The following CCDC110 variants were observed in gnomAD, a reference collection of about 807,000 sequenced individuals.
CCDC110 encodes the protein coiled-coil domain containing 110.
In CCDC110, 70 loss-of-function variants were observed where a neutral mutation model predicts 77.1. The ratio of observed to expected loss-of-function variants is 0.91; its 90% CI spans 0.75 to 1.11. The LOEUF is 1.11. Ranked by LOEUF, CCDC110 falls within the 50% of genes least tolerant of loss-of-function variation. The pLI is 0.00. For missense variants in CCDC110, 868 were observed against 942.9 expected, an observed-to-expected ratio of 0.92 and a Z score of 1.04; for synonymous variants, 295 against 312.5, an observed-to-expected ratio of 0.94 and a Z score of 0.59.
intron 4 of CCDC110, among the ~76,000 whole-genome samples, chr4:185,461,474 A>C (rs1337091419): frequency 6.6e-6 from 1 of 152,176 alleles, no homozygotes; most frequent in Non-Finnish European, 1.5e-5. Flanking sequence ...TGTCCCCCTT[A>C]GGAGGAGTTA....
chr4:185,458,923 C>T lies in CCDC110; in HGVS notation c.1664G>A (p.Ser555Asn). The T allele has an allele frequency of 6.2e-7, 1 of 1,608,692 alleles. No homozygotes were observed. The change falls in exon 6 of 7, where the codon AGT becomes AAT. Residue 555 changes from serine to asparagine, a missense_variant. Physicochemically the swap from Ser to Asn is conservative, Grantham distance 46. Transcript: ENST00000307588. ...TTCATTATTTACAATGGCCATATCA[C>T]TTTGAGTTTTGTGTTCCTTACTTTT... ...QLKSKEHKTQ[S>N]DMAIVNNENN...
At chr4:185,460,549 G>C (rs1205225367) in intron 5 of CCDC110, among the ~76,000 whole-genome samples, 1 of 152,226 alleles carries the variant, frequency 6.6e-6, no homozygotes, top group African/African-American at 2.4e-5. Flanking sequence ...AGGTGGGAAA[G>C]ATGGAACCGA....
At chr4:185,464,982 G>A (rs1219556536) in intron 2 of CCDC110, among the ~76,000 whole-genome samples, 2 of 152,104 alleles carry the variant, frequency 1.3e-5, no homozygotes, top group Non-Finnish European at 2.9e-5. Context: ...CTTACTCCCT[G>A]CCAAGAGAGA....
chr4:185,459,014 G>C lies in CCDC110; in HGVS notation c.1573C>G (p.Leu525Val), dbSNP rs750517634. ...GAAAGTTGTATATTTTTTTCCTCTAGAGTTTTATTTTGGCCTTGCAGAACA... is the reference window on the plus strand; with the variant it reads ...GAAAGTTGTATATTTTTTTCCTCTACAGTTTTATTTTGGCCTTGCAGAACA... Reference protein sequence around the residue: ...YNVLQGQNKTLEEKNIQLSLE... With the variant: ...YNVLQGQNKTVEEKNIQLSLE... The change falls in exon 6 of 7, where the codon CTA becomes GTA. Residue 525 changes from leucine (L) to valine (V), a missense_variant. Transcript: ENST00000307588. 5.6e-6 allele frequency: 9 copies of C among 1,594,858 alleles called. No homozygotes were observed. The Admixed American group carries it at 1.6e-4, about 28-fold the overall frequency.
At chr4:185,461,605 T>C (rs1277108161) in intron 4 of CCDC110, among the ~76,000 whole-genome samples, 1 of 152,238 alleles carries the variant, frequency 6.6e-6, no homozygotes, top group Non-Finnish European at 1.5e-5. Context: ...TCTAGACTTC[T>C]GTTTATACTT....
chr4:185,456,571 C>T (rs761987822), intron 6 of CCDC110, among the ~76,000 whole-genome samples: 11 of 152,122 alleles, frequency 7.2e-5, no homozygotes, highest in Middle Eastern at 3.2e-3. Flanking sequence ...GAGGGGACAT[C>T]GCTACAAGTC....
chr4:185,467,508 T>A (rs567681589), intron 2 of CCDC110, among the ~76,000 whole-genome samples: 3 of 152,276 alleles, frequency 2.0e-5, no homozygotes, highest in South Asian at 4.1e-4. Flanking sequence ...GGGAGGCACA[T>A]AAACAAAGCG....
chr4:185,450,741 C>T (rs1561152086), intron 6 of CCDC110, among the ~76,000 whole-genome samples: 1 of 18,532 alleles, frequency 5.4e-5, no homozygotes, highest in Non-Finnish European at 3.1e-4. Context: ...GAGACTCTGT[C>T]TAAAAAAAAA....
At chr4:185,457,824 A>T in intron 6 of CCDC110, 1 of 1,390,602 alleles carries the variant, frequency 7.2e-7, no homozygotes. Flanking sequence ...TCCTAGGGAA[A>T]AAAAAAAGAA....
chr4:185,446,278 A>G (rs1401788585), intron 6 of CCDC110, among the ~76,000 whole-genome samples: 1 of 152,216 alleles, frequency 6.6e-6, no homozygotes, highest in African/African-American at 2.4e-5. Context: ...ACTTTTACCT[A>G]ATCAAAATAT....
intron 6 of CCDC110, among the ~76,000 whole-genome samples, chr4:185,451,795 T>A (rs1258227207): frequency 3.9e-5 from 6 of 152,236 alleles, no homozygotes; most frequent in African/African-American, 7.2e-5. Context: ...TCATAATTGT[T>A]CATTTTAATC....
intron 2 of CCDC110, among the ~76,000 whole-genome samples, chr4:185,466,001 T>C (rs964454279): frequency 2.0e-5 from 3 of 152,150 alleles, no homozygotes; most frequent in African/African-American, 4.8e-5. Flanking sequence ...AGGTTGTCTG[T>C]TAAACATCAA....
intron 2 of CCDC110, among the ~76,000 whole-genome samples, chr4:185,469,175 C>T (rs2095661346): frequency 6.6e-6 from 1 of 152,202 alleles, no homozygotes; most frequent in South Asian, 2.1e-4. Flanking sequence ...ATTATTTTCT[C>T]AGTACACGGG....
chr4:185,452,001 G>T (rs1271653488), intron 6 of CCDC110, among the ~76,000 whole-genome samples: 1 of 152,090 alleles, frequency 6.6e-6, no homozygotes, highest in African/African-American at 2.4e-5. Context: ...ACCAGTAATG[G>T]GAATAGTGAA....
intron 4 of CCDC110, among the ~76,000 whole-genome samples, chr4:185,462,238 T>G (rs980700292): frequency 6.6e-6 from 1 of 152,176 alleles, no homozygotes; most frequent in Non-Finnish European, 1.5e-5. Context: ...TGAGACCTAT[T>G]TTGACGACAC....
In CCDC110 at chr4:185,448,368, G is replaced by A. The variant is rs557144142; in HGVS notation, c.2462-2826C>T. On this transcript the variant is annotated intron_variant, in intron 6 of 6. Coordinates refer to ENST00000307588, the MANE Select transcript of CCDC110 (RefSeq NM_152775.4). ...TTTTGAATGGTAGCTTAACTCATAT[G>A]GGTTTTATTATAATAAGCTAATATA... Among the ~76,000 whole-genome samples, 5 of 152,226 alleles carry A rather than the reference G, an allele frequency of 3.3e-5. No homozygotes were observed. The South Asian group carries it at 1.0e-3, about 32-fold the overall frequency.
At chr4:185,457,023 C>G (rs2095636886) in intron 6 of CCDC110, 1 of 241,586 alleles carries the variant, frequency 4.1e-6, no homozygotes, top group Non-Finnish European at 8.3e-6. Context: ...AAAATATTAC[C>G]AAATTGAATC....
At chr4:185,449,621 A>C in intron 6 of CCDC110, 1 of 1,544,878 alleles carries the variant, frequency 6.5e-7, no homozygotes, top group Non-Finnish European at 8.7e-7. Flanking sequence ...GAACTACAAG[A>C]CTTCTTCAGT....
At chr4:185,456,752 A>G (rs2095636586) in intron 6 of CCDC110, among the ~76,000 whole-genome samples, 1 of 152,210 alleles carries the variant, frequency 6.6e-6, no homozygotes. Context: ...TTAGCAATGT[A>G]AAACCTTCCC....
Sources: gnomAD v4.1 joint callset for allele counts (sites outside exome capture counted in the v4.1 genomes callset) on GRCh38, gnomAD v4.1.1 for gene constraint, MANE v1.5 for transcripts, NCBI Gene and HGNC (gene_info 2026-07-23, HGNC 2026-07-21) for gene names.